Variants in FCHO1 observed in about 807,000 individuals in gnomAD.
The protein encoded by FCHO1 is FCH and mu domain containing endocytic adaptor 1, also known as F-BAR domain only protein 1.
In FCHO1, 45 loss-of-function variants were observed where a neutral mutation model predicts 114.4. The observed-to-expected ratio is 0.39, with a 90% CI of 0.31 to 0.50. The LOEUF is 0.50. Ranked by LOEUF, FCHO1 falls within the 20% of genes least tolerant of loss-of-function variation. FCHO1 has a pLI of 0.77. For missense variants in FCHO1, 1,042 were observed against 1,209.6 expected (o/e 0.86, Z 2.06); for synonymous variants, 480 against 488.9 (o/e 0.98, Z 0.24).
At chr19:17,748,890 G>T (rs1342279285), upstream of FCHO1, among the ~76,000 whole-genome samples, 1 of 152,174 alleles carries the variant, frequency 6.6e-6, no homozygotes, top group Non-Finnish European at 1.5e-5. Context: ...TAACATGTGG[G>T]TGGTTTGGGG....
At chr19:17,771,747 G>A (rs2091632079) in intron 9 of FCHO1, among the ~76,000 whole-genome samples, 1 of 152,188 alleles carries the variant, frequency 6.6e-6, no homozygotes, top group African/African-American at 2.4e-5. Context: ...TTATTTTTGA[G>A]TTGTGGAGGT....
chr19:17,777,124 G>A (rs2092726674), intron 18 of FCHO1, among the ~76,000 whole-genome samples: 1 of 152,006 alleles, frequency 6.6e-6, no homozygotes, highest in African/African-American at 2.4e-5. Flanking sequence ...GGACCATTTA[G>A]TCATTCATTT....
chr19:17,764,521 G>A (rs1168336595), intron 6 of FCHO1, 72 bp downstream of exon 6: 4 of 1,273,006 alleles, frequency 3.1e-6, no homozygotes, highest in East Asian at 2.4e-5. Context: ...CTTCACACTC[G>A]GTGCATGTAG....
intron 11 of FCHO1, among the ~76,000 whole-genome samples, chr19:17,773,274 GTTTCCTC>G (rs2092024620): frequency 6.6e-6 from 1 of 152,202 alleles, no homozygotes; most frequent in Non-Finnish European, 1.5e-5. Flanking sequence ...CTGAGCCTCA[GTTTCCTC>G]ATCTGTAAAG....
chr19:17,780,192 T>A (rs1271123736), intron 20 of FCHO1, among the ~76,000 whole-genome samples: 2 of 137,754 alleles, frequency 1.5e-5, no homozygotes, highest in Non-Finnish European at 3.2e-5. Context: ...GAGAGGGAGT[T>A]TTGCTCTTGT....
rs77492123 is a variant in FCHO1 at position 17,772,320 on chromosome 19, C to A, written c.595-137C>A. ...TGTAGAGTCAATGAAAGTCCTAGGG[C>A]AGACTCTCATTGGCCCTTCCCCAAA... On this transcript the variant is annotated intron_variant, in intron 9 of 28. Coordinates refer to ENST00000596536, the MANE Select transcript of FCHO1 (RefSeq NM_015122.3). The A allele has an allele frequency of 3.2e-3, 2,127 of 674,840 alleles. 33 individuals carry two copies. In the African/African-American group the frequency reaches 0.034, roughly 11 times the overall value. 41.8% of individuals were successfully genotyped at this position (674,840 alleles called of 1,614,324 possible). A position where few individuals can be genotyped will look rare whatever the true frequency, so the allele number is the denominator to read the frequency against.
intron 4 of FCHO1, among the ~76,000 whole-genome samples, chr19:17,756,139 T>C (rs1157476159): frequency 1.3e-5 from 2 of 152,168 alleles, no homozygotes; most frequent in Admixed American, 1.3e-4. Flanking sequence ...GCCCCACTCC[T>C]GCCCTTGCTC....
chr19:17,787,201 G>A (rs1427625519), intron 27 of FCHO1, among the ~76,000 whole-genome samples: 2 of 127,674 alleles, frequency 1.6e-5, no homozygotes, highest in African/African-American at 3.0e-5. Context: ...TCCAGCCAGG[G>A]TGACAGAGCG....
intron 4 of FCHO1, 84 bp downstream of exon 4, chr19:17,755,275 G>A (rs374676494): frequency 7.3e-4 from 917 of 1,257,938 alleles, no homozygotes; most frequent in Non-Finnish European, 9.9e-4. Context: ...GTGAGTTGCG[G>A]TTACAGCCTT....
chr19:17,778,373 G>T, intron 19 of FCHO1, 145 bp downstream of exon 19: 1 of 764,782 alleles, frequency 1.3e-6, no homozygotes, highest in Non-Finnish European at 2.1e-6. Flanking sequence ...GCCAGAGTGC[G>T]CGTGGGAGGG....
chr19:17,781,185 G>A, intron 20 of FCHO1, 46 bp from the exon 21 acceptor site: 1 of 1,423,138 alleles, frequency 7.0e-7, no homozygotes, highest in Non-Finnish European at 9.7e-7. Flanking sequence ...AGGCCCCAGA[G>A]GCCCCGGGCA....
Position 17,772,630 on chromosome 19 carries a change from G to C in FCHO1, c.694-15G>C, listed in dbSNP as rs149164146. 14 of 1,613,668 alleles carry C rather than the reference G, an allele frequency of 8.7e-6. No homozygotes were observed. The highest frequency in any genetic ancestry group is 5.3e-5 in the African/African-American group (4 of 74,874). On this transcript the variant is annotated splice_polypyrimidine_tract_variant and intron_variant, in intron 10 of 28. Transcript: ENST00000596536. ...GGGGCCTTGACCAGTTACACACCCC[G>C]CCCACCCGGCACAGGTGCATGAGGA... is the stretch of plus-strand genomic sequence containing the variant.
chr19:17,781,845 C>A (rs1229656324), intron 23 of FCHO1, 25 bp downstream of exon 23: 3 of 1,496,516 alleles, frequency 2.0e-6, no homozygotes, highest in African/African-American at 1.4e-5. Flanking sequence ...GCAGACAGGG[C>A]CCGTGGGAAG....
chr19:17,769,804 CA>C lies in FCHO1; in HGVS notation c.337-619del, dbSNP rs1276268456. On this transcript the variant is annotated intron_variant, in intron 7 of 28. Coordinates refer to ENST00000596536, the MANE Select transcript of FCHO1 (RefSeq NM_015122.3). ...AGGCTTTTTCCTGGCTTACCTCTTA[CA>C]ACTTTCTGAAATATGAACCATGTGT... Among the ~76,000 whole-genome samples, 8 of 152,174 alleles carry C rather than the reference CA, an allele frequency of 5.3e-5. No individual in the cohort carries two copies. The South Asian group carries it at 1.4e-3, about 28-fold the overall frequency.
chr19:17,776,050 C>G lies in FCHO1; in HGVS notation c.1071C>G (p.Phe357Leu). 2 of 1,610,952 alleles carry G rather than the reference C, an allele frequency of 1.2e-6. No individual in the cohort carries two copies. Among genetic ancestry groups the G allele is most frequent in the Non-Finnish European group, 1.7e-6 (2 of 1,180,004 alleles). Residue 357 changes from phenylalanine to leucine, a missense_variant, in exon 16 of 29, where the codon TTC becomes TTG. Physicochemically the swap from Phe to Leu is conservative, Grantham distance 22 (BLOSUM62 0). This residue lies in a region of FCHO1 where 450 missense variants were observed against 564.1 expected (regional missense o/e 0.80). Coordinates refer to ENST00000596536, the MANE Select transcript of FCHO1 (RefSeq NM_015122.3). The surrounding 1 kb of genome is among the most constrained non-coding windows in gnomAD (Gnocchi z 4.4). ...SDFDDEEPRK[F>L]YVHIKPAPAR... is the part of the protein sequence containing the mutation. ...TCGACGATGAAGAGCCCCGCAAGTT[C>G]TATGTGCACATCAAGCCTGCCCCGG...
In FCHO1 at chr19:17,770,893, CCTG is replaced by C. The variant is rs1311951408; in HGVS notation, c.592_594del (p.Leu198del). ...TTGAGCAGAAGATGCTGGACTCAGC[CCTG>C]GTAAGAACCAGGCATCTGTACCTTT... On this transcript the variant is annotated inframe_deletion and splice_region_variant, in exon 9 of 29. Transcript: ENST00000596536. The C allele has an allele frequency of 6.2e-7, 1 of 1,613,508 alleles. No homozygotes were observed. The highest frequency in any genetic ancestry group is 8.5e-7 in the Non-Finnish European group (1 of 1,179,778).
chr19:17,784,747 C>A lies in FCHO1; in HGVS notation c.2249C>A (p.Ser750Tyr). The change falls in exon 26 of 29, where the codon TCT (serine) becomes TAT (tyrosine). Residue 750 changes from serine (S) to tyrosine (Y), a missense_variant. Physicochemically the swap from Ser to Tyr is moderately radical, Grantham distance 144. Around this residue, in one of 3 missense-constraint regions of FCHO1, gnomAD observed 455 missense variants for 455.4 expected, o/e 1.00. Transcript: ENST00000596536. This position sits in a 1 kb window ranked among gnomAD's most constrained non-coding sequence, Gnocchi z 5.3. ...TAGTTCTCCCGCCCGGGTCCCCAGT[C>A]TGTGCCTCTGCAGCTCAGTGCCCAC... ...RYQFSRPGPQ[S>Y]VPLQLSAHWQ... The A allele has an allele frequency of 6.2e-7, 1 of 1,614,110 alleles. No homozygotes were observed. The highest frequency in any genetic ancestry group is 8.5e-7 in the Non-Finnish European group (1 of 1,180,040).
At position 17,775,183 on chromosome 19, in the gene FCHO1, G is replaced by T; in HGVS notation, c.945+103G>T. On this transcript the variant is annotated intron_variant, in intron 14 of 28. Transcript: ENST00000596536. This position sits in a 1 kb window ranked among gnomAD's most constrained non-coding sequence, Gnocchi z 5.1. The stretch of plus-strand genomic sequence containing the variant: ...TCCCTACTGGAAACTAAAGAGCCGA[G>T]ATTGAGGGGCGGGCTGGAGCCTGGG... The T allele has an allele frequency of 2.2e-6, 3 of 1,337,896 alleles. No individual in the cohort carries two copies. Among genetic ancestry groups the T allele is most frequent in the Non-Finnish European group, 3.1e-6 (3 of 963,200 alleles). The allele number at this position is 1,337,896 out of a possible 1,614,324, so 82.9% of individuals were successfully genotyped here.
Position 17,766,713 on chromosome 19 carries a change from A to G in FCHO1, c.239A>G (p.Lys80Arg). ...GAGGTCTTCCGCGTCTCCTCGGACA[A>G]GCTGGCGCTGTGCCACCTGGAACTG... ...LWEVFRVSSDKLALCHLELTR... is the reference protein window; with the variant it reads ...LWEVFRVSSDRLALCHLELTR... The change falls in exon 7 of 29, where the codon AAG becomes AGG. Residue 80 changes from lysine to arginine, a missense_variant. Transcript: ENST00000596536. The G allele has an allele frequency of 6.2e-7, 1 of 1,614,138 alleles. No individual in the cohort carries two copies. The highest frequency in any genetic ancestry group is 8.5e-7 in the Non-Finnish European group (1 of 1,180,024).
Sources: gnomAD v4.1 joint callset for allele counts (sites outside exome capture counted in the v4.1 genomes callset) on GRCh38, gnomAD v4.1.1 for gene constraint, gnomAD v4.1.1 regional missense constraint, Gnocchi (gnomAD v3.1) non-coding constraint, MANE v1.5 for transcripts, NCBI Gene and HGNC (gene_info 2026-07-23, HGNC 2026-07-21) for gene names.